DNAJC15: variants seen among roughly 807,000 people sequenced by gnomAD.
DNAJC15 encodes dnaJ homolog subfamily C member 15.
DNAJC15 carries 27 observed loss-of-function variants against 22.4 expected under a neutral mutation model. The ratio of observed to expected loss-of-function variants is 1.20; its 90% CI spans 0.89 to 1.66. The LOEUF (loss-of-function observed/expected upper bound fraction) is 1.66, where lower values mean the gene tolerates loss of function less well. DNAJC15 is among the 40% of genes most tolerant of loss of function. The pLI, the probability that DNAJC15 is intolerant of heterozygous loss-of-function variation, is 0.00. For synonymous variants in DNAJC15, 79 were observed against 63.2 expected (o/e 1.25, Z -1.19); for missense variants, 208 against 187.1 (o/e 1.11, Z -0.65).
intron 1 of DNAJC15, among the ~76,000 whole-genome samples, chr13:43,026,626 G>T (rs2040382049): frequency 1.3e-5 from 2 of 152,150 alleles, no homozygotes; most frequent in African/African-American, 4.8e-5. Context: ...AATGGCCTAG[G>T]TGTAGGGCAT....
intron 4 of DNAJC15, among the ~76,000 whole-genome samples, chr13:43,083,388 C>T (rs201898057): frequency 2.6e-5 from 4 of 152,194 alleles, no homozygotes; most frequent in East Asian, 3.9e-4. Context: ...AGGATGGTCT[C>T]GATCTCCTGA....
intron 1 of DNAJC15, among the ~76,000 whole-genome samples, chr13:43,051,734 A>G (rs1305067030): frequency 6.6e-6 from 1 of 151,718 alleles, no homozygotes; most frequent in African/African-American, 2.4e-5. Flanking sequence ...GCAATTGTGA[A>G]TTGTGCTGCC....
intron 1 of DNAJC15, among the ~76,000 whole-genome samples, chr13:43,053,542 G>A (rs1273043052): frequency 6.6e-6 from 1 of 152,192 alleles, no homozygotes; most frequent in African/African-American, 2.4e-5. Context: ...ATGGGCATGT[G>A]ATGTGTTTCC....
chr13:43,081,516 G>A (rs2040661387), intron 4 of DNAJC15, among the ~76,000 whole-genome samples: 2 of 151,480 alleles, frequency 1.3e-5, no homozygotes, highest in African/African-American at 4.8e-5. Flanking sequence ...TCCCCTCACT[G>A]CAAGCTGCGC....
intron 4 of DNAJC15, among the ~76,000 whole-genome samples, chr13:43,080,266 C>T (rs966861235): frequency 6.6e-6 from 1 of 152,034 alleles, no homozygotes; most frequent in Non-Finnish European, 1.5e-5. Flanking sequence ...TCTGTTTTTC[C>T]CCTCTTACTA....
intron 1 of DNAJC15, among the ~76,000 whole-genome samples, chr13:43,025,669 C>G (rs971918312): frequency 2.0e-5 from 3 of 152,206 alleles, no homozygotes; most frequent in Non-Finnish European, 4.4e-5. Flanking sequence ...ATTTGGGAGG[C>G]TGAGGTGGGT....
chr13:43,043,502 ATTAT>A (rs1445059712), intron 1 of DNAJC15, among the ~76,000 whole-genome samples: 1 of 152,184 alleles, frequency 6.6e-6, no homozygotes, highest in Non-Finnish European at 1.5e-5. Flanking sequence ...CATTCTTGTT[ATTAT>A]TTATTTACTT....
chr13:43,104,767 G>A (rs1307925660), intron 5 of DNAJC15, among the ~76,000 whole-genome samples: 5 of 150,004 alleles, frequency 3.3e-5, no homozygotes, highest in African/African-American at 1.2e-4. Flanking sequence ...AAGACTCACT[G>A]CAGCCTCAAC....
At chr13:43,080,944 A>C (rs1354135215) in intron 4 of DNAJC15, among the ~76,000 whole-genome samples, 1 of 152,202 alleles carries the variant, frequency 6.6e-6, no homozygotes, top group African/African-American at 2.4e-5. Flanking sequence ...TTAAGATGTG[A>C]GTATATTCAT....
At chr13:43,048,212 G>C (rs1299040776) in intron 1 of DNAJC15, among the ~76,000 whole-genome samples, 1 of 152,098 alleles carries the variant, frequency 6.6e-6, no homozygotes, top group Non-Finnish European at 1.5e-5. Flanking sequence ...GGGTGCATTG[G>C]CTTACGCCTA....
chr13:43,096,615 C>A (rs2040740891), intron 5 of DNAJC15, among the ~76,000 whole-genome samples: 2 of 152,098 alleles, frequency 1.3e-5, no homozygotes, highest in Admixed American at 1.3e-4. Context: ...AACCAAAGAC[C>A]TTGCTGTTAG....
intron 1 of DNAJC15, among the ~76,000 whole-genome samples, chr13:43,051,663 A>G (rs2324997): frequency 0.33 from 33,356 of 100,012 alleles, 4,213 homozygotes; most frequent in Non-Finnish European, 0.4. Context: ...GTGTGTGTGT[A>G]TATATATCAC....
intron 3 of DNAJC15, among the ~76,000 whole-genome samples, chr13:43,074,011 T>G (rs1314530383): frequency 2.0e-5 from 3 of 152,012 alleles, no homozygotes; most frequent in African/African-American, 4.8e-5. Flanking sequence ...GTCCTTTTAT[T>G]TGAATATAAT....
intron 1 of DNAJC15, among the ~76,000 whole-genome samples, chr13:43,039,647 G>A (rs945673499): frequency 5.3e-5 from 8 of 152,218 alleles, no homozygotes; most frequent in African/African-American, 1.9e-4. Context: ...AATGATAAAA[G>A]CTGTTGGTTG....
intron 1 of DNAJC15, among the ~76,000 whole-genome samples, chr13:43,046,775 C>T (rs996225585): frequency 2.6e-5 from 4 of 152,164 alleles, no homozygotes; most frequent in Non-Finnish European, 5.9e-5. Context: ...AGCTTTTGCT[C>T]GCTGTCCACC....
chr13:43,097,657 G>A (rs9533386), intron 5 of DNAJC15, among the ~76,000 whole-genome samples: 34,621 of 152,072 alleles, frequency 0.23, 4,493 homozygotes, highest in Non-Finnish European at 0.3. Flanking sequence ...AAAGGTCTAG[G>A]CCCGGTACGG....
Position 43,070,610 on chromosome 13 carries a change from G to A in DNAJC15, c.234+1607G>A, listed in dbSNP as rs202178152. 7.2e-5 allele frequency among the ~76,000 whole-genome samples: 11 copies of A among 152,244 alleles called. No individual in the cohort carries two copies. In the East Asian group the frequency reaches 2.1e-3, roughly 29 times the overall value. On this transcript the variant is annotated intron_variant, in intron 3 of 5. Transcript: ENST00000379221. ...TTTCTCCAAGAAGATAAGGGAGCAGGCCATACAAGCCTCTGGTGTAAGAGC... is the reference window on the plus strand; with the variant it reads ...TTTCTCCAAGAAGATAAGGGAGCAGACCATACAAGCCTCTGGTGTAAGAGC...
At chr13:43,046,867 CAGTGAGGTG>C (rs1366932328) in intron 1 of DNAJC15, among the ~76,000 whole-genome samples, 2,214 of 152,286 alleles carry the variant, frequency 0.015, 57 homozygotes, top group African/African-American at 0.048. Context: ...GTTTCTGATC[CAGTGAGGTG>C]CACATTGCCG....
chr13:43,079,481 A>G (rs2040651662), intron 4 of DNAJC15, among the ~76,000 whole-genome samples: 1 of 152,160 alleles, frequency 6.6e-6, no homozygotes, highest in African/African-American at 2.4e-5. Flanking sequence ...GGAGGAGCCC[A>G]GTTTAGTTTG....
Sources: allele counts gnomAD v4.1 joint callset (sites outside exome capture counted in the v4.1 genomes callset), GRCh38; gene constraint gnomAD v4.1.1; transcripts MANE v1.5; gene names NCBI Gene and HGNC (gene_info 2026-07-23, HGNC 2026-07-21).